The following NBEA variants were observed in gnomAD, a reference collection of about 807,000 sequenced individuals.
The protein encoded by NBEA is neurobeachin, also known as lysosomal-trafficking regulator 2.
NBEA carries 44 observed loss-of-function variants against 343.4 expected under a neutral mutation model. The ratio of observed to expected loss-of-function variants is 0.13; its 90% confidence interval spans 0.10 to 0.16. The LOEUF (loss-of-function observed/expected upper bound fraction) is 0.16, where lower values mean the gene tolerates loss of function less well. Ranked by LOEUF, NBEA falls within the 10% of genes least tolerant of loss-of-function variation. The pLI, the probability that NBEA is intolerant of heterozygous loss-of-function variation, is 1.00. For synonymous variants in NBEA, 1,175 were observed against 1,238.7 expected, an observed-to-expected ratio of 0.95 and a Z score of 1.08; for missense variants, 2,555 against 3,631.3, an observed-to-expected ratio of 0.70 and a Z score of 7.62.
chr13:35,051,923 A>C (rs1220005142), intron 6 of NBEA, among the ~76,000 whole-genome samples: 1 of 152,076 alleles, frequency 6.6e-6, no homozygotes, highest in East Asian at 1.9e-4. Context: ...AGTTATAACC[A>C]AATGAAATTG....
At chr13:35,434,156 AT>A (rs2045285717) in intron 39 of NBEA, among the ~76,000 whole-genome samples, 1 of 152,100 alleles carries the variant, frequency 6.6e-6, no homozygotes, top group Non-Finnish European at 1.5e-5. Context: ...TTGTAAAATA[AT>A]TTCTAATAAA....
At chr13:35,039,530 A>G (rs1391087714) in intron 1 of NBEA, among the ~76,000 whole-genome samples, 1 of 152,054 alleles carries the variant, frequency 6.6e-6, no homozygotes, top group Admixed American at 6.6e-5. Context: ...TTGTGTTTGG[A>G]TCCTGAGTCT....
At chr13:35,520,884 A>G (rs954111156) in intron 41 of NBEA, among the ~76,000 whole-genome samples, 2 of 152,206 alleles carry the variant, frequency 1.3e-5, no homozygotes, top group Admixed American at 6.5e-5. Context: ...CATACTATAA[A>G]TGAAACTTTT....
intron 34 of NBEA, among the ~76,000 whole-genome samples, chr13:35,249,843 A>G (rs2031741068): frequency 6.6e-6 from 1 of 152,168 alleles, no homozygotes; most frequent in South Asian, 2.1e-4. Context: ...CTATCAACAT[A>G]TAGATGCATT....
At chr13:35,350,096 A>G (rs1319752729) in intron 37 of NBEA, among the ~76,000 whole-genome samples, 3 of 152,186 alleles carry the variant, frequency 2.0e-5, no homozygotes, top group Admixed American at 2.0e-4. Context: ...GAAGTTTCGT[A>G]TTAGTAAAGA....
At chr13:34,993,694 C>A (rs1440021363) in intron 1 of NBEA, among the ~76,000 whole-genome samples, 2 of 152,094 alleles carry the variant, frequency 1.3e-5, no homozygotes, top group Non-Finnish European at 2.9e-5. Context: ...AGAGTAGTGC[C>A]GACAGGCTAT....
intron 10 of NBEA, among the ~76,000 whole-genome samples, chr13:35,088,450 G>A (rs1474888042): frequency 6.6e-6 from 1 of 151,846 alleles, no homozygotes; most frequent in Non-Finnish European, 1.5e-5. Flanking sequence ...CCATAGCCAT[G>A]TGGATTTCTC....
At chr13:35,284,319 C>G (rs942162282) in intron 34 of NBEA, among the ~76,000 whole-genome samples, 3 of 152,038 alleles carry the variant, frequency 2.0e-5, no homozygotes, top group Non-Finnish European at 1.5e-5. Context: ...CTAAAGAAAT[C>G]AATGAATGCA....
chr13:35,379,072 T>A (rs1240772392), intron 38 of NBEA, among the ~76,000 whole-genome samples: 1 of 152,110 alleles, frequency 6.6e-6, no homozygotes, highest in African/African-American at 2.4e-5. Flanking sequence ...CTGAACATTC[T>A]GGTACATATT....
Position 35,311,562 on chromosome 13 carries a change from T to A in NBEA, c.5903+1970T>A, listed in dbSNP as rs113952694. 6.6e-3 allele frequency among the ~76,000 whole-genome samples: 1,006 copies of A among 152,122 alleles called. 10 individuals carry two copies. Among genetic ancestry groups the A allele is most frequent in the African/African-American group, 0.023 (961 of 41,510 alleles). ...AAAGTAGTCACAATTTTAAAAAAAATTTCAATCTAGGTTGGGTGCAGTGGC... is the reference window on the plus strand; with the variant it reads ...AAAGTAGTCACAATTTTAAAAAAAAATTCAATCTAGGTTGGGTGCAGTGGC... On this transcript the variant is annotated intron_variant, in intron 36 of 58. Coordinates refer to ENST00000379939, the MANE Select transcript of NBEA (RefSeq NM_001385012.1).
chr13:35,298,188 T>C (rs906219253), intron 35 of NBEA, among the ~76,000 whole-genome samples: 1 of 57,482 alleles, frequency 1.7e-5, no homozygotes, highest in African/African-American at 4.4e-5. Context: ...TGTGTGTGTA[T>C]GTGTGTGTGT....
At chr13:35,040,468 T>G (rs17051822) in intron 1 of NBEA, among the ~76,000 whole-genome samples, 5,589 of 152,240 alleles carry the variant, frequency 0.037, 159 homozygotes, top group African/African-American at 0.076. Context: ...ATAAGTTGTA[T>G]GAGTTTCATA....
Position 35,061,615 on chromosome 13 carries a change from C to T in NBEA, c.1239+2752C>T, listed in dbSNP as rs188227424. Reference sequence around the variant, plus strand: ...ATATTTGAAAATTTAGCTTTGAGTTCTCTCCTTCATTTATGAATATGATAA... The same window carrying T: ...ATATTTGAAAATTTAGCTTTGAGTTTTCTCCTTCATTTATGAATATGATAA... On this transcript the variant is annotated intron_variant, in intron 8 of 58. Transcript: ENST00000379939. Among the ~76,000 whole-genome samples, 7 of 151,772 alleles carry T rather than the reference C, an allele frequency of 4.6e-5. No individual in the cohort carries two copies. The East Asian group carries it at 1.4e-3, about 29-fold the overall frequency.
chr13:35,385,180 T>G (rs1042908280), intron 38 of NBEA, among the ~76,000 whole-genome samples: 15 of 152,216 alleles, frequency 9.9e-5, no homozygotes, highest in African/African-American at 3.6e-4. Context: ...CTTCAGTAAG[T>G]TAAGGTTGGC....
intron 32 of NBEA, 55 bp downstream of exon 32, chr13:35,208,909 T>A: frequency 1.6e-6 from 2 of 1,278,946 alleles, no homozygotes; most frequent in Non-Finnish European, 2.1e-6. Flanking sequence ...TCTGTATCAT[T>A]TTTCTGCTTA....
At chr13:35,428,601 C>G (rs1450319298) in intron 38 of NBEA, among the ~76,000 whole-genome samples, 2 of 152,072 alleles carry the variant, frequency 1.3e-5, no homozygotes, top group Non-Finnish European at 2.9e-5. Context: ...CTGAGAGTTT[C>G]TATTTCTTTG....
chr13:35,364,002 A>C (rs2040962220), intron 38 of NBEA, among the ~76,000 whole-genome samples: 1 of 151,966 alleles, frequency 6.6e-6, no homozygotes, highest in African/African-American at 2.4e-5. Flanking sequence ...GAATATGATT[A>C]TGTTGAGTTT....
At chr13:35,603,433 G>A (rs188095512) in intron 47 of NBEA, among the ~76,000 whole-genome samples, 132 of 151,944 alleles carry the variant, frequency 8.7e-4, no homozygotes, top group Non-Finnish European at 1.5e-3. Context: ...TGTTTCTTGC[G>A]CCTTTGTGAA....
At chr13:35,128,486 C>T (rs1301136670) in intron 17 of NBEA, among the ~76,000 whole-genome samples, 1 of 152,088 alleles carries the variant, frequency 6.6e-6, no homozygotes, top group Admixed American at 6.6e-5. Context: ...TCTTTTTGAC[C>T]TTAAACTTGT....
Sources: allele counts gnomAD v4.1 joint callset (sites outside exome capture counted in the v4.1 genomes callset), GRCh38; gene constraint gnomAD v4.1.1; transcripts MANE v1.5; gene names NCBI Gene and HGNC (gene_info 2026-07-23, HGNC 2026-07-21).